The following GNB5 variants were observed in gnomAD, a reference collection of about 807,000 sequenced individuals.
GNB5 encodes guanine nucleotide-binding protein subunit beta-5.
A neutral mutation model predicts 55.3 loss-of-function variants in GNB5; 37 were observed. That is an observed-to-expected ratio of 0.67 (90% CI 0.51 to 0.88). GNB5 has a LOEUF of 0.88. GNB5 is among the 40% of genes least tolerant of loss of function. GNB5 has a pLI of 0.00. For missense variants in GNB5, 476 were observed against 515.3 expected (o/e 0.92, Z 0.74); for synonymous variants, 219 against 198.5 (o/e 1.10, Z -0.87).
chr15:52,157,771 AT>A (rs1164552869), intron 3 of GNB5, among the ~76,000 whole-genome samples: 2 of 150,964 alleles, frequency 1.3e-5, no homozygotes, highest in African/African-American at 2.5e-5. Flanking sequence ...ACTATTAATT[AT>A]TTTTTCTCAC....
intron 3 of GNB5, among the ~76,000 whole-genome samples, chr15:52,172,508 G>A (rs1490036516): frequency 1.3e-5 from 2 of 151,912 alleles, no homozygotes; most frequent in African/African-American, 4.8e-5. Flanking sequence ...TGCTGGGTGC[G>A]GTGGCTCATG....
chr15:52,124,229 C>T (rs117099440), intron 12 of GNB5, among the ~76,000 whole-genome samples: 1 of 152,156 alleles, frequency 6.6e-6, no homozygotes, highest in East Asian at 1.9e-4. Flanking sequence ...CTAACTATTC[C>T]CTCACCTACA....
rs545411940 is a variant in GNB5 at position 52,177,028 on chromosome 15, CTTTTTTTTTT to C, written c.238+2730_238+2739del. The stretch of plus-strand genomic sequence containing the variant: ...TCCTGGGGCCTCTGCCTAGCTCCTC[CTTTTTTTTTT>C]TTTTTTTTTTTTTTGAGACGGAGTC... On this transcript the variant is annotated intron_variant, in intron 3 of 12. Coordinates refer to ENST00000261837, the MANE Select transcript of GNB5 (RefSeq NM_016194.4). Among the ~76,000 whole-genome samples the C allele has an allele frequency of 3.7e-4, 29 of 77,830 alleles. No individual in the cohort carries two copies. The South Asian group carries it at 5.1e-3, about 14-fold the overall frequency. 51.1% of individuals were successfully genotyped at this position (77,830 alleles called of 152,430 possible). A position where few individuals can be genotyped will look rare whatever the true frequency, so the allele number is the denominator to read the frequency against.
At position 52,117,102 on chromosome 15, in the gene GNB5, A is replaced by ATATATATATATATTTTTTTT; in HGVS notation, c.*5654_*5655insAAAAAAAATATATATATATA. On this transcript the variant is annotated 3_prime_UTR_variant, in exon 13 of 13. Coordinates refer to ENST00000261837, the MANE Select transcript of GNB5 (RefSeq NM_016194.4). ...CCACGCCCAGCTAATATATATATATATTTTTTTTTAGTACAGACAGGGTTT... is the reference window on the plus strand; with the variant it reads ...CCACGCCCAGCTAATATATATATATATATATATATATATTTTTTTTTTTTTTTTTAGTACAGACAGGGTTT... The ATATATATATATATTTTTTTT allele has an allele frequency of 9.2e-5, 8 of 87,100 alleles. No homozygotes were observed. The highest frequency in any genetic ancestry group is 4.3e-4 in the African/African-American group (7 of 16,420). The allele number at this position is 87,100 out of a possible 1,614,324, so 5.4% of individuals were successfully genotyped here.
At chr15:52,145,220 T>C (rs919790566) in intron 6 of GNB5, among the ~76,000 whole-genome samples, 1 of 152,004 alleles carries the variant, frequency 6.6e-6, no homozygotes, top group Non-Finnish European at 1.5e-5. Context: ...TATATATATT[T>C]ACATATATAT....
At position 52,190,778 on chromosome 15, in the gene GNB5, TAAAAAAAAAAAAAAA is replaced by T. The variant is rs58614125; in HGVS notation, c.-19+529_-19+543del. On this transcript the variant is annotated intron_variant, in intron 1 of 12. Coordinates refer to ENST00000261837, the MANE Select transcript of GNB5 (RefSeq NM_016194.4). The stretch of plus-strand genomic sequence containing the variant: ...CCACAGAAAATAATGCTTATTTCCT[TAAAAAAAAAAAAAAA>T]AAAAAAAAAAAAAAAAAAAAAAAAA... Among the ~76,000 whole-genome samples, 442 of 96,884 alleles carry T rather than the reference TAAAAAAAAAAAAAAA, an allele frequency of 4.6e-3. 9 individuals carry two copies. Among genetic ancestry groups the T allele is most frequent in the African/African-American group, 0.019 (421 of 22,708 alleles). 63.6% of individuals were successfully genotyped at this position (96,884 alleles called of 152,430 possible). A position where few individuals can be genotyped will look rare whatever the true frequency, so the allele number is the denominator to read the frequency against.
At chr15:52,136,250 C>T (rs2033719581) in intron 7 of GNB5, among the ~76,000 whole-genome samples, 1 of 151,856 alleles carries the variant, frequency 6.6e-6, no homozygotes, top group Non-Finnish European at 1.5e-5. Context: ...TTCCTACCCT[C>T]ACAGTCCTTG....
chr15:52,136,339 T>G (rs571156195), intron 7 of GNB5, among the ~76,000 whole-genome samples: 1 of 152,322 alleles, frequency 6.6e-6, no homozygotes, highest in South Asian at 2.1e-4. Flanking sequence ...GCTCTACACA[T>G]GCCTGGCTCG....
At chr15:52,161,862 T>C (rs2034342101) in intron 3 of GNB5, among the ~76,000 whole-genome samples, 1 of 152,182 alleles carries the variant, frequency 6.6e-6, no homozygotes, top group Non-Finnish European at 1.5e-5. Flanking sequence ...TGTGGACCGG[T>C]AGTCTTCAAG....
intron 3 of GNB5, among the ~76,000 whole-genome samples, chr15:52,161,901 C>T (rs12438743): frequency 0.15 from 23,512 of 152,214 alleles, 2,191 homozygotes; most frequent in Admixed American, 0.27. Flanking sequence ...AAGTCTCCCC[C>T]AACTGCCTCT....
chr15:52,183,722 A>G (rs1229778474), intron 2 of GNB5, among the ~76,000 whole-genome samples: 1 of 152,000 alleles, frequency 6.6e-6, no homozygotes, highest in African/African-American at 2.4e-5. Flanking sequence ...TGGGCTTTTC[A>G]GGAGGAGTGC....
chr15:52,120,589 G>T lies in GNB5; in HGVS notation c.*2168C>A, dbSNP rs988028084. On this transcript the variant is annotated 3_prime_UTR_variant, in exon 13 of 13. Transcript: ENST00000261837. ...TTTCCTTCCTTTCTCGTGCCTTCCT[G>T]CACTTCTGGGAGCCGGAAGGCACAG... 8.6e-5 allele frequency: 13 copies of T among 151,770 alleles called. No homozygotes were observed. The highest frequency in any genetic ancestry group is 3.2e-4 in the African/African-American group (13 of 41,180). The allele number at this position is 151,770 out of a possible 1,614,324, so 9.4% of individuals were successfully genotyped here.
chr15:52,183,142 C>T lies in GNB5; in HGVS notation c.126+1409G>A, dbSNP rs532744364. 8.5e-5 allele frequency among the ~76,000 whole-genome samples: 13 copies of T among 152,260 alleles called. No individual in the cohort carries two copies. In the East Asian group the frequency reaches 1.5e-3, roughly 18 times the overall value. On this transcript the variant is annotated intron_variant, in intron 2 of 12. Coordinates refer to ENST00000261837, the MANE Select transcript of GNB5 (RefSeq NM_016194.4). ...TTCAATTGAAAGCAATGGCAAAAAC[C>T]GCAATTACTTTTGCCCCAACCTAAT...
chr15:52,125,687 T>C lies in GNB5; in HGVS notation c.1009+261A>G, dbSNP rs2033405296. 9.1e-6 allele frequency: 3 copies of C among 329,912 alleles called. No individual in the cohort carries two copies. In the East Asian group the frequency reaches 1.5e-4, roughly 17 times the overall value. The allele number at this position is 329,912 out of a possible 1,614,324, so 20.4% of individuals were successfully genotyped here. On this transcript the variant is annotated intron_variant, in intron 11 of 12. Transcript: ENST00000261837. ...TGCCTGAGAGCATTGTGGAAGTGAA[T>C]TTCTGACACTTCATTGCCTTGAAGG...
chr15:52,145,421 C>T (rs2033950357), intron 6 of GNB5, among the ~76,000 whole-genome samples: 1 of 151,778 alleles, frequency 6.6e-6, no homozygotes, highest in Non-Finnish European at 1.5e-5. Context: ...AGGCAGATCA[C>T]TTGATGTCAG....
intron 3 of GNB5, among the ~76,000 whole-genome samples, chr15:52,179,383 C>T (rs1285426530): frequency 6.6e-6 from 1 of 152,170 alleles, no homozygotes; most frequent in Non-Finnish European, 1.5e-5. Flanking sequence ...CTCTCCTAGG[C>T]CGCGCCTACA....
intron 9 of GNB5, 76 bp from the exon 10 acceptor site, chr15:52,128,320 G>T: frequency 1.1e-6 from 1 of 911,008 alleles, no homozygotes; most frequent in Non-Finnish European, 1.8e-6. Context: ...CTAGGCCCTT[G>T]GAATCAGAAT....
At chr15:52,126,598 T>C (rs2033437420) in intron 10 of GNB5, among the ~76,000 whole-genome samples, 1 of 152,172 alleles carries the variant, frequency 6.6e-6, no homozygotes, top group Non-Finnish European at 1.5e-5. Flanking sequence ...TCAGAATCTA[T>C]TTAGCCAAAC....
chr15:52,146,779 T>C (rs1459150553), intron 6 of GNB5, among the ~76,000 whole-genome samples: 2 of 148,162 alleles, frequency 1.3e-5, no homozygotes, highest in Non-Finnish European at 3.0e-5. Context: ...AAGGTATTAT[T>C]ATCACATTGC....
Sources: gnomAD v4.1 joint callset for allele counts (sites outside exome capture counted in the v4.1 genomes callset) on GRCh38, gnomAD v4.1.1 for gene constraint, MANE v1.5 for transcripts, NCBI Gene and HGNC (gene_info 2026-07-23, HGNC 2026-07-21) for gene names.